RREB1: variants seen among roughly 807,000 people sequenced by gnomAD.
The protein encoded by RREB1 is ras responsive element binding protein 1, also known as ras-responsive element-binding protein 1.
Under a neutral mutation model 117.8 loss-of-function variants are expected in RREB1, and 27 were observed. The ratio of observed to expected loss-of-function variants is 0.23; its 90% confidence interval spans 0.17 to 0.32. The LOEUF is 0.32. Ranked by LOEUF, RREB1 falls within the 10% of genes least tolerant of loss-of-function variation. RREB1 has a pLI of 1.00. For synonymous variants in RREB1, 1,298 were observed against 1,026.7 expected (o/e 1.26, Z -5.05); for missense variants, 2,577 against 2,378.2 (o/e 1.08, Z -1.74).
At chr6:7,141,296 T>G (rs1457210320) in intron 1 of RREB1, among the ~76,000 whole-genome samples, 1 of 152,154 alleles carries the variant, frequency 6.6e-6, no homozygotes. Flanking sequence ...GAGCCGCGTC[T>G]TCCAGCGGAT....
chr6:7,226,061 T>C (rs1767567642), intron 8 of RREB1, among the ~76,000 whole-genome samples: 1 of 152,196 alleles, frequency 6.6e-6, no homozygotes, highest in Non-Finnish European at 1.5e-5. Flanking sequence ...CTTCTGACTT[T>C]TAAACATTTA....
At chr6:7,159,430 G>T (rs889019598) in intron 1 of RREB1, among the ~76,000 whole-genome samples, 1 of 152,138 alleles carries the variant, frequency 6.6e-6, no homozygotes, top group Admixed American at 6.5e-5. Flanking sequence ...GCATAGATGG[G>T]GCTCACAAGG....
intron 1 of RREB1, among the ~76,000 whole-genome samples, chr6:7,167,585 C>T (rs1764008820): frequency 6.6e-6 from 1 of 152,168 alleles, no homozygotes; most frequent in African/African-American, 2.4e-5. Flanking sequence ...GAACTCCTGA[C>T]CTCAGGCAGT....
chr6:7,187,418 T>G lies in RREB1; in HGVS notation c.172-16T>G, dbSNP rs199886615. On this transcript the variant is annotated splice_polypyrimidine_tract_variant and intron_variant, in intron 4 of 12. Transcript: ENST00000379938. The stretch of plus-strand genomic sequence containing the variant: ...GTGAGTTGAAATTTATCTTCCCTTT[T>G]AATCTTTCTTTTTAGGAAACGAAAG... 77 of 1,521,866 alleles carry G rather than the reference T, an allele frequency of 5.1e-5. No individual in the cohort carries two copies. The highest frequency in any genetic ancestry group is 1.6e-4 in the Admixed American group (9 of 56,182). 94.3% of individuals were successfully genotyped at this position (1,521,866 alleles called of 1,614,324 possible).
chr6:7,181,998 G>A lies in RREB1; in HGVS notation c.87G>A (p.Lys29=), dbSNP rs116604236. ...TGTCGGCGGTCATGAGTGTAGGGAAGGTCACAGAGAATGGCGGGAGCCCCC... is the reference window on the plus strand; with the variant it reads ...TGTCGGCGGTCATGAGTGTAGGGAAAGTCACAGAGAATGGCGGGAGCCCCC... ...TMMSAVMSVG[K]VTENGGSPQG... is the part of the protein sequence containing the mutation. The change falls in exon 4 of 13, where the codon AAG becomes AAA. Residue 29 remains lysine (K), a synonymous_variant. Coordinates refer to ENST00000379938, the MANE Select transcript of RREB1 (RefSeq NM_001003699.4). 6.6e-4 allele frequency: 1,069 copies of A among 1,613,814 alleles called. 7 individuals carry two copies. The African/African-American group carries it at 9.9e-3, about 15-fold the overall frequency.
rs146177693 is a variant in RREB1 at position 7,230,706 on chromosome 6, T to A, written c.2607T>A (p.Phe869Leu). 11 of 1,595,148 alleles carry A rather than the reference T, an allele frequency of 6.9e-6. No individual in the cohort carries two copies. Among genetic ancestry groups the A allele is most frequent in the Non-Finnish European group, 8.5e-6 (10 of 1,170,072 alleles). Residue 869 changes from phenylalanine to leucine, a missense_variant, in exon 10 of 13, where the codon TTT (phenylalanine) becomes TTA (leucine). Physicochemically the swap from Phe to Leu is conservative, Grantham distance 22. Coordinates refer to ENST00000379938, the MANE Select transcript of RREB1 (RefSeq NM_001003699.4). ...CCTTCCTGGAACCCCAGAACGGCTT[T>A]CTTCACAGGGGCCCCACCCAGCCTC... ...LTAFLEPQNG[F>L]LHRGPTQPPP... is the part of the protein sequence containing the mutation.
intron 8 of RREB1, chr6:7,218,786 CTG>C (rs1767057214): frequency 6.8e-6 from 1 of 146,698 alleles, no homozygotes; most frequent in Non-Finnish European, 1.5e-5. Flanking sequence ...ATTTATCACA[CTG>C]CATTTCTATC....
chr6:7,248,930 A>T lies in RREB1; in HGVS notation c.5191A>T (p.Thr1731Ser), dbSNP rs769135316. ...GAGGCCTGCCCACCCAATCCTGGCC[A>T]CAGCTGATGGCGCCTCCCAGCTCGT... ...SKRPAHPILA[T>S]ADGASQLVGM... Residue 1731 changes from threonine (T) to serine (S), a missense_variant, in exon 13 of 13, where the codon ACA (threonine) becomes TCA (serine). Coordinates refer to ENST00000379938, the MANE Select transcript of RREB1 (RefSeq NM_001003699.4). 2 of 1,518,622 alleles carry T rather than the reference A, an allele frequency of 1.3e-6. No homozygotes were observed. Among genetic ancestry groups the T allele is most frequent in the Non-Finnish European group, 1.8e-6 (2 of 1,134,936 alleles). The allele number at this position is 1,518,622 out of a possible 1,614,324, so 94.1% of individuals were successfully genotyped here.
intron 12 of RREB1, among the ~76,000 whole-genome samples, chr6:7,247,759 C>T (rs1769178098): frequency 6.6e-6 from 1 of 152,222 alleles, no homozygotes; most frequent in South Asian, 2.1e-4. Flanking sequence ...CTAGAGTTCA[C>T]CCACCACCTG....
intron 1 of RREB1, among the ~76,000 whole-genome samples, chr6:7,168,250 G>T (rs887310790): frequency 4.3e-4 from 44 of 101,600 alleles, no homozygotes; most frequent in Non-Finnish European, 5.8e-4. Context: ...GTGAGACTCC[G>T]TCTGAAAAAA....
chr6:7,210,061 G>A (rs182820857), intron 6 of RREB1, among the ~76,000 whole-genome samples: 1 of 152,194 alleles, frequency 6.6e-6, no homozygotes, highest in Non-Finnish European at 1.5e-5. Flanking sequence ...GTTTGTTTTA[G>A]AACTCAATAA....
chr6:7,129,500 T>G (rs1480053861), intron 1 of RREB1, among the ~76,000 whole-genome samples: 1 of 152,236 alleles, frequency 6.6e-6, no homozygotes, highest in African/African-American at 2.4e-5. Flanking sequence ...CTTCACTGTT[T>G]GCTTTTTGGC....
intron 6 of RREB1, among the ~76,000 whole-genome samples, chr6:7,207,796 C>T (rs1013200226): frequency 6.6e-6 from 1 of 152,214 alleles, no homozygotes; most frequent in Non-Finnish European, 1.5e-5. Context: ...CGCAGTAGTC[C>T]TCTTACACTA....
intron 1 of RREB1, among the ~76,000 whole-genome samples, chr6:7,128,702 C>T (rs893899815): frequency 6.6e-6 from 1 of 152,152 alleles, no homozygotes; most frequent in Non-Finnish European, 1.5e-5. Flanking sequence ...GGCGTGGTGG[C>T]TCACACCTGT....
intron 8 of RREB1, among the ~76,000 whole-genome samples, chr6:7,220,391 A>G (rs535119333): frequency 1.3e-5 from 2 of 152,112 alleles, no homozygotes; most frequent in Non-Finnish European, 2.9e-5. Context: ...TCTAACCTTA[A>G]TCTGTCATTT....
chr6:7,136,621 G>C (rs1016069292), intron 1 of RREB1, among the ~76,000 whole-genome samples: 3 of 152,100 alleles, frequency 2.0e-5, no homozygotes, highest in Non-Finnish European at 2.9e-5. Context: ...AATTAACTTA[G>C]GAGTACAAAT....
chr6:7,148,736 T>C (rs2113417019), intron 1 of RREB1, among the ~76,000 whole-genome samples: 1 of 152,332 alleles, frequency 6.6e-6, no homozygotes, highest in Admixed American at 6.5e-5. Context: ...GGAAAATTAA[T>C]TTCTGAATAC....
At chr6:7,142,017 G>C (rs1346204071) in intron 1 of RREB1, among the ~76,000 whole-genome samples, 1 of 152,202 alleles carries the variant, frequency 6.6e-6, no homozygotes, top group African/African-American at 2.4e-5. Context: ...TTCGAGACCA[G>C]CCTGGCCAAC....
intron 1 of RREB1, among the ~76,000 whole-genome samples, chr6:7,120,865 GC>G (rs1761649292): frequency 6.8e-6 from 1 of 147,168 alleles, no homozygotes; most frequent in South Asian, 2.2e-4. Flanking sequence ...TGTCACCCAG[GC>G]TGGAGTGCTG....
Sources: allele counts gnomAD v4.1 joint callset (sites outside exome capture counted in the v4.1 genomes callset), GRCh38; gene constraint gnomAD v4.1.1; transcripts MANE v1.5; gene names NCBI Gene and HGNC (gene_info 2026-07-23, HGNC 2026-07-21).